PIWIL1: variants seen among roughly 807,000 people sequenced by gnomAD.
PIWIL1 encodes the protein piwi-like protein 1.
In PIWIL1, 73 loss-of-function variants were observed where a neutral mutation model predicts 114.4. That is an observed-to-expected ratio of 0.64 (90% confidence interval 0.53 to 0.78). The LOEUF (loss-of-function observed/expected upper bound fraction) is 0.78, where lower values mean the gene tolerates loss of function less well. PIWIL1 is among the 30% of genes least tolerant of loss of function. The probability of loss-of-function intolerance (pLI) is 0.00; values close to 1 mark genes in which losing one functional copy is unlikely to be tolerated. For synonymous variants in PIWIL1, 375 were observed against 369.0 expected (o/e 1.02, Z -0.19); for missense variants, 723 against 1,063.1 (o/e 0.68, Z 4.45).
chr12:130,368,305 C>T (rs570640137), intron 19 of PIWIL1, among the ~76,000 whole-genome samples: 1 of 152,216 alleles, frequency 6.6e-6, no homozygotes, highest in South Asian at 2.1e-4. Context: ...GATAAAGTCT[C>T]GGCCTGTGTG....
At chr12:130,343,613 G>A (rs2072986580) in intron 3 of PIWIL1, among the ~76,000 whole-genome samples, 1 of 142,334 alleles carries the variant, frequency 7.0e-6, no homozygotes, top group African/African-American at 2.6e-5. Flanking sequence ...TGGATGCATT[G>A]AAGGATTCTT....
At chr12:130,385,540 T>C in the PIWIL1 span, among the ~76,000 whole-genome samples, 1 of 152,218 alleles carries the variant, frequency 6.6e-6, no homozygotes, top group Non-Finnish European at 1.5e-5. Context: ...TATGATGCAG[T>C]TTAACCTGTT....
At chr12:130,398,426 A>G in the PIWIL1 span, 1 of 152,672 alleles carries the variant, frequency 6.5e-6, no homozygotes, top group African/African-American at 2.4e-5. Context: ...CTAATGGAAA[A>G]CACCTAGTAA....
intron 14 of PIWIL1, among the ~76,000 whole-genome samples, chr12:130,358,941 TC>T (rs1275893244): frequency 1.3e-5 from 2 of 152,160 alleles, no homozygotes; most frequent in African/African-American, 2.4e-5. Flanking sequence ...CAGGCTGCCA[TC>T]CTGCTCATCC....
intron 9 of PIWIL1, among the ~76,000 whole-genome samples, chr12:130,353,820 GGA>G (rs79042033): frequency 0.07 from 10,711 of 151,976 alleles, 665 homozygotes; most frequent in East Asian, 0.38. Flanking sequence ...CAGCTACGCA[GGA>G]GGCTGAGGCA....
chr12:130,398,060 A>G, the PIWIL1 span: 1 of 152,764 alleles, frequency 6.5e-6, no homozygotes, highest in South Asian at 2.1e-4. Context: ...AAAAAACTAA[A>G]ATGAACCTTA....
the PIWIL1 span, among the ~76,000 whole-genome samples, chr12:130,421,562 C>T: frequency 6.6e-6 from 1 of 152,180 alleles, no homozygotes; most frequent in African/African-American, 2.4e-5. Context: ...GCTATTTCAA[C>T]GAGATTCCAG....
chr12:130,391,136 C>T, the PIWIL1 span, among the ~76,000 whole-genome samples: 1 of 152,216 alleles, frequency 6.6e-6, no homozygotes, highest in African/African-American at 2.4e-5. Flanking sequence ...CTAAGTTCCT[C>T]AGGAGTTGCT....
Position 130,342,639 on chromosome 12 carries a change from G to A in PIWIL1, c.48G>A (p.Gln16=). 3 of 1,613,928 alleles carry A rather than the reference G, an allele frequency of 1.9e-6. No individual in the cohort carries two copies. The highest frequency in any genetic ancestry group is 2.5e-6 in the Non-Finnish European group (3 of 1,179,850). Residue 16 remains glutamine (Q), a synonymous_variant, in exon 2 of 21, where the codon CAG becomes CAA. Transcript: ENST00000245255. ...GAGCCAGAGGAAGGGCCCGCGGTCA[G>A]GAGACAGCGCAGCTGGTGGGCTCCA... ...RARARGRARG[Q]ETAQLVGSTA...
At chr12:130,381,938 C>A in the PIWIL1 span, among the ~76,000 whole-genome samples, 1 of 152,218 alleles carries the variant, frequency 6.6e-6, no homozygotes, top group Non-Finnish European at 1.5e-5. Flanking sequence ...CACTTGCCAT[C>A]TGTGTGTCTT....
At chr12:130,424,808 C>A in the PIWIL1 span, 5 of 1,232,622 alleles carry the variant, frequency 4.1e-6, no homozygotes, top group African/African-American at 7.8e-5. The surrounding 1 kb of genome is among the most constrained non-coding windows in gnomAD (Gnocchi z 9.8). Context: ...GGTGGGGAAA[C>A]TCGGGCTGCT....
At chr12:130,342,915 A>G in intron 2 of PIWIL1, 75 bp from the exon 3 acceptor site, 1 of 1,022,700 alleles carries the variant, frequency 9.8e-7, no homozygotes, top group Non-Finnish European at 1.5e-6. Context: ...AATTCCTGAG[A>G]CTTAAGACTA....
intron 4 of PIWIL1, 89 bp from the exon 5 acceptor site, chr12:130,346,281 G>A (rs557926230): frequency 1.8e-5 from 17 of 969,114 alleles, no homozygotes; most frequent in African/African-American, 8.1e-5. Context: ...TTGTGTTTAC[G>A]GAACTGTGCC....
intron 9 of PIWIL1, among the ~76,000 whole-genome samples, chr12:130,352,300 T>C (rs960351023): frequency 2.6e-5 from 4 of 152,162 alleles, no homozygotes; most frequent in Non-Finnish European, 4.4e-5. Flanking sequence ...AAGGTCATAG[T>C]TGGTTTTTAA....
At chr12:130,414,413 CTT>C in the PIWIL1 span, 1 of 1,157,142 alleles carries the variant, frequency 8.6e-7, no homozygotes, top group Non-Finnish European at 1.2e-6. Context: ...GGTTCCTTGA[CTT>C]TTGTCTTTTT....
chr12:130,401,103 A>ATGT, the PIWIL1 span, among the ~76,000 whole-genome samples: 2 of 151,984 alleles, frequency 1.3e-5, no homozygotes, highest in African/African-American at 4.8e-5. Context: ...TATATACTTA[A>ATGT]AAATGATTTT....
chr12:130,421,724 T>TGTGTGTGTGTGTGTGTG, the PIWIL1 span, among the ~76,000 whole-genome samples: 3 of 151,358 alleles, frequency 2.0e-5, no homozygotes, highest in African/African-American at 4.9e-5. Context: ...TGTGTGTGTG[T>TGTGTGTGTGTGTGTGTG]TTTCATAGAA....
chr12:130,342,923 C>A, intron 2 of PIWIL1, 67 bp from the exon 3 acceptor site: 1 of 1,114,954 alleles, frequency 9.0e-7, no homozygotes, highest in Non-Finnish European at 1.4e-6. Flanking sequence ...AGACTTAAGA[C>A]TAGAAATTTT....
At chr12:130,374,986 G>A (rs556171410), downstream of PIWIL1, among the ~76,000 whole-genome samples, 1 of 152,186 alleles carries the variant, frequency 6.6e-6, no homozygotes, top group Admixed American at 6.5e-5. Flanking sequence ...TGGAGGGTGA[G>A]GTAGGTGTCC....
Sources: allele counts gnomAD v4.1 joint callset (sites outside exome capture counted in the v4.1 genomes callset), GRCh38; gene constraint gnomAD v4.1.1; non-coding constraint Gnocchi (gnomAD v3.1); transcripts MANE v1.5; gene names NCBI Gene and HGNC (gene_info 2026-07-23, HGNC 2026-07-21).